RDX: variants seen among roughly 807,000 people sequenced by gnomAD.
The protein encoded by RDX is deafness, autosomal recessive 24.
Under a neutral mutation model 83.7 loss-of-function variants are expected in RDX, and 32 were observed. The observed-to-expected ratio is 0.38, with a 90% CI of 0.29 to 0.51. The LOEUF (loss-of-function observed/expected upper bound fraction) is 0.51, where lower values mean the gene tolerates loss of function less well. Among genes scored for constraint, RDX ranks in the 20% least tolerant of loss-of-function variants. RDX has a pLI of 0.87. For synonymous variants in RDX, 229 were observed against 222.7 expected, an observed-to-expected ratio of 1.03 and a Z score of -0.25; for missense variants, 600 against 689.9, an observed-to-expected ratio of 0.87 and a Z score of 1.46.
chr11:110,202,911 G>T (rs1329599348), intron 14 of RDX, among the ~76,000 whole-genome samples: 2 of 151,982 alleles, frequency 1.3e-5, no homozygotes, highest in African/African-American at 4.8e-5. Flanking sequence ...GTGAAGAAAA[G>T]GGAACCTTTG....
chr11:110,189,689 C>G (rs1863066867), intron 15 of RDX, among the ~76,000 whole-genome samples: 1 of 152,164 alleles, frequency 6.6e-6, no homozygotes, highest in African/African-American at 2.4e-5. Context: ...AAACAGAAAT[C>G]AGTACAAAGA....
chr11:110,224,500 G>C (rs113594295), downstream of RDX, among the ~76,000 whole-genome samples: 1 of 152,254 alleles, frequency 6.6e-6, no homozygotes, highest in Non-Finnish European at 1.5e-5. Context: ...ATCTGATTCA[G>C]AACTATAAAA....
At chr11:110,285,803 T>C (rs189206743) in intron 1 of RDX, among the ~76,000 whole-genome samples, 170 of 150,222 alleles carry the variant, frequency 1.1e-3, no homozygotes, top group Non-Finnish European at 1.9e-3. Flanking sequence ...AGTAGCAGAA[T>C]AGATAATTTC....
rs150219462 is a variant in RDX, at chr11:110,250,981, T to C, written c.959+2965A>G. On this transcript the variant is annotated intron_variant, in intron 9 of 13. Coordinates refer to ENST00000645495, the MANE Select transcript of RDX (RefSeq NM_002906.4). ...CTGCTCCCCTAAATGCTGTTCATTT[T>C]AGAGGACCTCACTGGCCCATAGGCA... Among the ~76,000 whole-genome samples, 578 of 152,328 alleles carry C rather than the reference T, an allele frequency of 3.8e-3. 2 individuals carry two copies. Among genetic ancestry groups the C allele is most frequent in the Non-Finnish European group, 7.0e-3 (478 of 68,036 alleles).
intron 14 of RDX, among the ~76,000 whole-genome samples, chr11:110,214,183 C>G (rs977364706): frequency 7.2e-5 from 11 of 151,822 alleles, no homozygotes; most frequent in African/African-American, 2.4e-4. Flanking sequence ...GGGAGAAGGA[C>G]GTGAACAGAC....
Position 110,208,843 on chromosome 11 carries a change from C to T in RDX, c.1749-9165G>A, listed in dbSNP as rs1027337038. Among the ~76,000 whole-genome samples the T allele has an allele frequency of 5.9e-5, 9 of 152,222 alleles. No individual in the cohort carries two copies. In the South Asian group the frequency reaches 8.3e-4, roughly 14 times the overall value. On this transcript the variant is annotated intron_variant, in intron 14 of 15. Coordinates refer to the RDX transcript ENST00000528498. ...TAGTGGCGGCCACCTGTAATCACAG[C>T]TACTCCGGAGGCTGAGGCAGAAGAA...
At chr11:110,250,350 G>C (rs978691412) in intron 9 of RDX, among the ~76,000 whole-genome samples, 2 of 152,160 alleles carry the variant, frequency 1.3e-5, no homozygotes, top group African/African-American at 4.8e-5. Context: ...CTAGGATGTT[G>C]ATTAGACTAC....
chr11:110,272,328 C>G (rs964048715), intron 3 of RDX, among the ~76,000 whole-genome samples: 2 of 152,130 alleles, frequency 1.3e-5, no homozygotes, highest in African/African-American at 4.8e-5. Context: ...AAATTATTTT[C>G]AAGAAGTCCT....
intron 15 of RDX, among the ~76,000 whole-genome samples, chr11:110,181,619 G>A (rs1446995009): frequency 2.0e-5 from 3 of 152,260 alleles, no homozygotes; most frequent in African/African-American, 7.2e-5. Context: ...TGGGGGCATG[G>A]CCCCTGTGCC....
intron 9 of RDX, among the ~76,000 whole-genome samples, chr11:110,250,531 C>CAGA (rs1217051410): frequency 5.3e-5 from 8 of 152,186 alleles, no homozygotes; most frequent in Non-Finnish European, 1.2e-4. Context: ...AAGAGCCTTT[C>CAGA]AGACCCAGCT....
intron 1 of RDX, among the ~76,000 whole-genome samples, chr11:110,284,707 T>G (rs1269772144): frequency 6.6e-6 from 1 of 151,922 alleles, no homozygotes; most frequent in Non-Finnish European, 1.5e-5. Context: ...GTATTTTTAG[T>G]AGAGACGGGG....
intron 15 of RDX, among the ~76,000 whole-genome samples, chr11:110,182,777 T>C (rs1366014557): frequency 6.6e-6 from 1 of 152,138 alleles, no homozygotes; most frequent in Admixed American, 6.5e-5. Flanking sequence ...GAGCAGGCTG[T>C]CCGGGGTAAC....
At chr11:110,224,854 TATG>T (rs1400841953), downstream of RDX, among the ~76,000 whole-genome samples, 3 of 152,356 alleles carry the variant, frequency 2.0e-5, no homozygotes, top group African/African-American at 7.2e-5. Context: ...GCTCTTCTAT[TATG>T]ATATCTCCTC....
At chr11:110,247,028 T>C (rs191758179) in intron 10 of RDX, among the ~76,000 whole-genome samples, 5 of 152,322 alleles carry the variant, frequency 3.3e-5, no homozygotes, top group Admixed American at 2.6e-4. Flanking sequence ...TGCAATACTT[T>C]TTTTTTCTTG....
intron 10 of RDX, among the ~76,000 whole-genome samples, chr11:110,245,079 C>T (rs1289434365): frequency 1.3e-5 from 2 of 151,752 alleles, no homozygotes; most frequent in African/African-American, 4.8e-5. Flanking sequence ...ATTCTCCTGC[C>T]TCGGCCTCCC....
chr11:110,240,344 T>A (rs1865035273), intron 10 of RDX, among the ~76,000 whole-genome samples: 1 of 152,050 alleles, frequency 6.6e-6, no homozygotes, highest in Non-Finnish European at 1.5e-5. Flanking sequence ...CTCATAAAGA[T>A]AAATAAACTG....
intron 9 of RDX, 105 bp from the exon 10 acceptor site, chr11:110,247,938 A>G: frequency 7.6e-7 from 1 of 1,310,728 alleles, no homozygotes; most frequent in Non-Finnish European, 1.0e-6. Flanking sequence ...TGTCTTTTGC[A>G]GCAACTTGGA....
At chr11:110,247,104 A>G (rs1048403690) in intron 10 of RDX, among the ~76,000 whole-genome samples, 1 of 152,222 alleles carries the variant, frequency 6.6e-6, no homozygotes, top group African/African-American at 2.4e-5. Flanking sequence ...ACCACATATT[A>G]TAAATCTAGT....
intron 14 of RDX, among the ~76,000 whole-genome samples, chr11:110,210,254 T>C (rs1863782751): frequency 7.5e-6 from 1 of 132,918 alleles, no homozygotes; most frequent in Non-Finnish European, 1.6e-5. Flanking sequence ...GAAGATGAAA[T>C]GAATGAAATG....
Sources: gnomAD v4.1 joint callset for allele counts (sites outside exome capture counted in the v4.1 genomes callset) on GRCh38, gnomAD v4.1.1 for gene constraint, MANE v1.5 for transcripts, NCBI Gene and HGNC (gene_info 2026-07-23, HGNC 2026-07-21) for gene names.